STK3: variants seen among roughly 807,000 people sequenced by gnomAD.
STK3 encodes the protein serine/threonine-protein kinase 3.
A neutral mutation model predicts 58.0 loss-of-function variants in STK3; 41 were observed. The observed-to-expected ratio is 0.71, with a 90% CI of 0.55 to 0.92. The LOEUF is 0.92. STK3 is among the 40% of genes least tolerant of loss of function. The pLI is 0.00. For missense variants in STK3, 479 were observed against 602.7 expected (o/e 0.79, Z 2.15); for synonymous variants, 170 against 191.0 (o/e 0.89, Z 0.91).
intron 3 of STK3, among the ~76,000 whole-genome samples, chr8:98,766,662 T>C (rs1296433601): frequency 2.0e-5 from 3 of 152,198 alleles, no homozygotes; most frequent in Non-Finnish European, 4.4e-5. Flanking sequence ...TTACCCTCGA[T>C]GCTCTGGCCT....
chr8:98,830,427 T>G (rs1835481928), upstream of STK3, among the ~76,000 whole-genome samples: 1 of 152,118 alleles, frequency 6.6e-6, no homozygotes, highest in South Asian at 2.1e-4. Flanking sequence ...GGCAGGACTG[T>G]GCCTGGTGTG....
intron 3 of STK3, among the ~76,000 whole-genome samples, chr8:98,864,193 T>G (rs1249770375): frequency 4.3e-5 from 5 of 116,178 alleles, no homozygotes; most frequent in Admixed American, 1.1e-4. Flanking sequence ...GCGAGACTCC[T>G]TCTCAAAAAA....
At chr8:98,822,198 G>A (rs1834954933) in intron 1 of STK3, among the ~76,000 whole-genome samples, 1 of 152,186 alleles carries the variant, frequency 6.6e-6, no homozygotes, top group Non-Finnish European at 1.5e-5. Context: ...AATACACATG[G>A]TGGCTTCAAA....
At chr8:98,939,586 G>T (rs565279038) in intron 1 of STK3, among the ~76,000 whole-genome samples, 2 of 152,336 alleles carry the variant, frequency 1.3e-5, no homozygotes, top group African/African-American at 2.4e-5. Context: ...GTCTGGAGAC[G>T]GGAGGGTAGC....
At chr8:98,862,592 T>G (rs947564823) in intron 3 of STK3, among the ~76,000 whole-genome samples, 1 of 152,246 alleles carries the variant, frequency 6.6e-6, no homozygotes, top group African/African-American at 2.4e-5. Flanking sequence ...GATGGCTCAA[T>G]GCCAGACCGA....
chr8:98,866,715 G>A (rs1166700168), intron 3 of STK3, among the ~76,000 whole-genome samples: 1 of 152,248 alleles, frequency 6.6e-6, no homozygotes, highest in African/African-American at 2.4e-5. Flanking sequence ...CAGTGCCTGA[G>A]AGGACTGAAG....
intron 10 of STK3, among the ~76,000 whole-genome samples, chr8:98,475,321 G>A (rs1459257868): frequency 6.6e-6 from 1 of 152,178 alleles, no homozygotes; most frequent in Non-Finnish European, 1.5e-5. Context: ...GAAGCACCAA[G>A]AACAGGGGTG....
intron 4 of STK3, among the ~76,000 whole-genome samples, chr8:98,743,868 T>A (rs987578684): frequency 6.6e-6 from 1 of 151,836 alleles, no homozygotes; most frequent in African/African-American, 2.4e-5. Flanking sequence ...GAATCTACAA[T>A]GAACTCAAAC....
intron 1 of STK3, among the ~76,000 whole-genome samples, chr8:98,937,888 A>T (rs895547693): frequency 1.3e-5 from 2 of 152,238 alleles, no homozygotes; most frequent in Non-Finnish European, 2.9e-5. Context: ...ATGTTACTAT[A>T]TCAAACCATC....
intron 6 of STK3, among the ~76,000 whole-genome samples, chr8:98,609,217 G>A (rs574606864): frequency 7.2e-5 from 11 of 152,210 alleles, no homozygotes; most frequent in Non-Finnish European, 1.5e-4. Context: ...AACGGAATAA[G>A]AGTGAAACTT....
chr8:98,660,581 A>G (rs1821892280), intron 6 of STK3, among the ~76,000 whole-genome samples: 1 of 152,072 alleles, frequency 6.6e-6, no homozygotes, highest in Non-Finnish European at 1.5e-5. Flanking sequence ...CTGATGCCCC[A>G]TGAATGTGAT....
chr8:98,583,077 T>C (rs1446836524), intron 7 of STK3, among the ~76,000 whole-genome samples: 1 of 152,260 alleles, frequency 6.6e-6, no homozygotes, highest in Non-Finnish European at 1.5e-5. Context: ...ATTCATACTA[T>C]CTTTTTATAT....
chr8:98,528,478 C>T (rs1825910616), intron 9 of STK3, among the ~76,000 whole-genome samples: 1 of 151,942 alleles, frequency 6.6e-6, no homozygotes, highest in Non-Finnish European at 1.5e-5. Flanking sequence ...AAGTAAGCTA[C>T]TTTCCTTTTT....
At chr8:98,501,823 T>C (rs1040181457) in intron 10 of STK3, among the ~76,000 whole-genome samples, 1 of 152,268 alleles carries the variant, frequency 6.6e-6, no homozygotes, top group Non-Finnish European at 1.5e-5. Flanking sequence ...TAGTATAGTT[T>C]GAAGTCAGGT....
At chr8:98,640,246 C>T (rs1028245786) in intron 6 of STK3, among the ~76,000 whole-genome samples, 1 of 152,036 alleles carries the variant, frequency 6.6e-6, no homozygotes, top group Non-Finnish European at 1.5e-5. Context: ...CACGGGGTTT[C>T]ACCATGTTGT....
chr8:98,649,900 T>C (rs1820740242), intron 6 of STK3, among the ~76,000 whole-genome samples: 1 of 152,220 alleles, frequency 6.6e-6, no homozygotes, highest in Admixed American at 6.5e-5. Flanking sequence ...CAGTGTAATG[T>C]CTTTCAATTA....
In STK3 at chr8:98,428,990, C is replaced by T. The variant is rs758085683; in HGVS notation, n.483+5137G>A. On this transcript the variant is annotated intron_variant and non_coding_transcript_variant, in intron 3 of 3. Transcript: ENST00000517832. The surrounding 1 kb of genome is among the most constrained non-coding windows in gnomAD (Gnocchi z 6.7). Reference sequence around the variant, plus strand: ...TAGGGCTGCTCTTGCTCTACCTCTCCGTGGGGATTTCCATCTTCTCCGTGG... The same window carrying T: ...TAGGGCTGCTCTTGCTCTACCTCTCTGTGGGGATTTCCATCTTCTCCGTGG... 3.3e-5 allele frequency: 53 copies of T among 1,614,008 alleles called. No homozygotes were observed. Among genetic ancestry groups the T allele is most frequent in the South Asian group, 1.3e-4 (12 of 91,082 alleles).
intron 6 of STK3, among the ~76,000 whole-genome samples, chr8:98,654,103 C>T (rs960153530): frequency 1.3e-5 from 2 of 152,056 alleles, no homozygotes; most frequent in Non-Finnish European, 2.9e-5. Context: ...TGACAAACCG[C>T]ATCCAGCAGC....
At chr8:98,557,172 T>C (rs1811659135) in intron 8 of STK3, among the ~76,000 whole-genome samples, 1 of 152,080 alleles carries the variant, frequency 6.6e-6, no homozygotes, top group South Asian at 2.1e-4. Flanking sequence ...TCTTTCCTCA[T>C]GCATAACGGA....
Sources: allele counts gnomAD v4.1 joint callset (sites outside exome capture counted in the v4.1 genomes callset), GRCh38; gene constraint gnomAD v4.1.1; non-coding constraint Gnocchi (gnomAD v3.1); transcripts MANE v1.5; gene names NCBI Gene and HGNC (gene_info 2026-07-23, HGNC 2026-07-21).